Variants in RAP1GAP2 observed in about 807,000 individuals in gnomAD.
RAP1GAP2 encodes rap1 GTPase-activating protein 2.
Under a neutral mutation model 95.0 loss-of-function variants are expected in RAP1GAP2, and 27 were observed. The ratio of observed to expected loss-of-function variants is 0.28; its 90% confidence interval spans 0.21 to 0.39. The LOEUF is 0.39. Ranked by LOEUF, RAP1GAP2 falls within the 10% of genes least tolerant of loss-of-function variation. The pLI is 1.00. For missense variants in RAP1GAP2, 771 were observed against 970.0 expected, an observed-to-expected ratio of 0.79 and a Z score of 2.72; for synonymous variants, 373 against 380.9, an observed-to-expected ratio of 0.98 and a Z score of 0.24.
chr17:2,785,075 CAG>C (rs2068742288), intron 1 of RAP1GAP2, among the ~76,000 whole-genome samples: 2 of 152,250 alleles, frequency 1.3e-5, no homozygotes, highest in Non-Finnish European at 2.9e-5. Flanking sequence ...TTGCTGGCCT[CAG>C]GGAGGAATCT....
chr17:3,010,382 G>A (rs1269025016), intron 17 of RAP1GAP2, among the ~76,000 whole-genome samples: 3 of 151,972 alleles, frequency 2.0e-5, no homozygotes, highest in African/African-American at 4.8e-5. Flanking sequence ...CTGCAGTTGG[G>A]GAGCCAACAT....
At chr17:2,798,661 G>A (rs2151475946) in intron 1 of RAP1GAP2, among the ~76,000 whole-genome samples, 1 of 97,520 alleles carries the variant, frequency 1.0e-5, no homozygotes, top group South Asian at 3.4e-4. Context: ...GGTGGGATGG[G>A]ATGGGAGAGG....
At chr17:2,760,882 C>T (rs1262892631) in intron 1 of RAP1GAP2, among the ~76,000 whole-genome samples, 1 of 152,104 alleles carries the variant, frequency 6.6e-6, no homozygotes, top group Non-Finnish European at 1.5e-5. Flanking sequence ...ATGTTTTTCT[C>T]ATGATTAAAC....
At chr17:2,886,307 G>A (rs939379177) in intron 2 of RAP1GAP2, among the ~76,000 whole-genome samples, 4 of 151,686 alleles carry the variant, frequency 2.6e-5, no homozygotes, top group Non-Finnish European at 5.9e-5. Flanking sequence ...CGAGTAGCTG[G>A]TACTACAGGC....
At chr17:2,832,843 G>A (rs1440080280) in intron 2 of RAP1GAP2, among the ~76,000 whole-genome samples, 1 of 151,806 alleles carries the variant, frequency 6.6e-6, no homozygotes, top group African/African-American at 2.4e-5. Context: ...GGGCGTGGTG[G>A]CACTTGCGTG....
intron 2 of RAP1GAP2, among the ~76,000 whole-genome samples, chr17:2,842,306 G>C (rs1245629798): frequency 1.3e-5 from 2 of 152,140 alleles, no homozygotes; most frequent in Non-Finnish European, 2.9e-5. Flanking sequence ...GAGGCAGGCA[G>C]GTCACCTGAG....
chr17:2,913,865 T>G (rs2042474306), intron 3 of RAP1GAP2, among the ~76,000 whole-genome samples: 2 of 150,824 alleles, frequency 1.3e-5, no homozygotes. Context: ...TTTTGTCTGT[T>G]CTAGAACTTA....
intron 2 of RAP1GAP2, among the ~76,000 whole-genome samples, chr17:2,801,241 G>A (rs1428138777): frequency 3.3e-5 from 5 of 151,428 alleles, no homozygotes; most frequent in Non-Finnish European, 7.4e-5. Context: ...TTGGGAGGCC[G>A]AGGTGGGTGG....
At chr17:2,915,588 G>C (rs1196168892) in intron 3 of RAP1GAP2, among the ~76,000 whole-genome samples, 2 of 152,198 alleles carry the variant, frequency 1.3e-5, no homozygotes, top group Non-Finnish European at 2.9e-5. Flanking sequence ...TTTTGAAGAA[G>C]TCTAATTATG....
Position 2,924,878 on chromosome 17 carries a change from C to T in RAP1GAP2, c.165+19510C>T, listed in dbSNP as rs562822621. On this transcript the variant is annotated intron_variant, in intron 3 of 24. Transcript: ENST00000254695. ...CTGTGGCTCTTTCTAGAGCTCTTTCCTCCGGGGGGCTAGTGGGTGGCCCAG... is the reference window on the plus strand; with the variant it reads ...CTGTGGCTCTTTCTAGAGCTCTTTCTTCCGGGGGGCTAGTGGGTGGCCCAG... 2.6e-5 allele frequency among the ~76,000 whole-genome samples: 4 copies of T among 152,276 alleles called. No homozygotes were observed. The South Asian group carries it at 6.2e-4, about 24-fold the overall frequency.
rs1200208942 is a variant in RAP1GAP2 at position 2,871,159 on chromosome 17, T to G, written c.81-34125T>G. 6.6e-6 allele frequency among the ~76,000 whole-genome samples: 1 copy of G among 152,192 alleles called. No individual in the cohort carries two copies. The highest frequency in any genetic ancestry group is 1.5e-5 in the Non-Finnish European group (1 of 68,042). On this transcript the variant is annotated intron_variant, in intron 2 of 24. Transcript: ENST00000254695. The surrounding 1 kb of genome is among the most constrained non-coding windows in gnomAD (Gnocchi z 5.0). ...TTAATAGAGACGAGGTTTCACCATG[T>G]TGGCCAGGCTGGTCTTGAACTCCTG...
At chr17:2,945,200 TTTC>T (rs1390069906) in intron 3 of RAP1GAP2, among the ~76,000 whole-genome samples, 7 of 152,212 alleles carry the variant, frequency 4.6e-5, no homozygotes, top group African/African-American at 1.7e-4. Flanking sequence ...ATGGAATTGT[TTTC>T]TTAATTTTCT....
intron 2 of RAP1GAP2, among the ~76,000 whole-genome samples, chr17:2,859,427 T>A (rs2072281292): frequency 6.6e-6 from 1 of 151,854 alleles, no homozygotes; most frequent in Non-Finnish European, 1.5e-5. Flanking sequence ...TCAACTCTTT[T>A]AAAAAAATTT....
chr17:2,934,568 A>G (rs989125745), intron 3 of RAP1GAP2, among the ~76,000 whole-genome samples: 1 of 152,248 alleles, frequency 6.6e-6, no homozygotes, highest in African/African-American at 2.4e-5. Context: ...TTTCAAATCC[A>G]CTGTTCTTTC....
chr17:2,973,104 G>C (rs2151515051), intron 8 of RAP1GAP2, among the ~76,000 whole-genome samples: 1 of 152,278 alleles, frequency 6.6e-6, no homozygotes, highest in South Asian at 2.1e-4. Context: ...AATGATGCTA[G>C]AGAAGTAAGA....
In RAP1GAP2 at chr17:2,884,483, C is replaced by G. The variant is rs1183406621; in HGVS notation, c.81-20801C>G. Among the ~76,000 whole-genome samples the G allele has an allele frequency of 2.0e-5, 3 of 151,450 alleles. No individual in the cohort carries two copies. In the South Asian group the frequency reaches 6.3e-4, roughly 32 times the overall value. ...CGCCTCCCCGGTTCAAGCGATTCTC[C>G]TGCCTCAGCCTCCCAAGTAGCTGGG... On this transcript the variant is annotated intron_variant, in intron 2 of 24. Coordinates refer to ENST00000254695, the MANE Select transcript of RAP1GAP2 (RefSeq NM_015085.5).
intron 19 of RAP1GAP2, among the ~76,000 whole-genome samples, chr17:3,021,161 T>C (rs2046943792): frequency 6.6e-6 from 1 of 152,202 alleles, no homozygotes; most frequent in East Asian, 1.9e-4. Flanking sequence ...CCTCAAACAT[T>C]GATCTTTTGA....
chr17:2,775,303 C>A (rs895416929), upstream of RAP1GAP2, among the ~76,000 whole-genome samples: 1 of 152,074 alleles, frequency 6.6e-6, no homozygotes, highest in African/African-American at 2.4e-5. Flanking sequence ...GAGAATTTCC[C>A]AATATGACCA....
intron 3 of RAP1GAP2, among the ~76,000 whole-genome samples, chr17:2,907,231 G>T (rs561087624): frequency 5.9e-5 from 9 of 152,150 alleles, no homozygotes; most frequent in African/African-American, 1.4e-4. Flanking sequence ...TCTCATGACC[G>T]CCCACCTAAA....
Sources: allele counts gnomAD v4.1 joint callset (sites outside exome capture counted in the v4.1 genomes callset), GRCh38; gene constraint gnomAD v4.1.1; non-coding constraint Gnocchi (gnomAD v3.1); transcripts MANE v1.5; gene names NCBI Gene and HGNC (gene_info 2026-07-23, HGNC 2026-07-21).